The following THSD7B variants were observed in gnomAD, a reference collection of about 807,000 sequenced individuals.
THSD7B encodes the protein thrombospondin type-1 domain-containing protein 7B.
THSD7B carries 138 observed loss-of-function variants against 213.6 expected under a neutral mutation model. That is an observed-to-expected ratio of 0.65 (90% CI 0.56 to 0.74). The LOEUF (loss-of-function observed/expected upper bound fraction) is 0.74. Among genes scored for constraint, THSD7B ranks in the 30% least tolerant of loss-of-function variants. The pLI is 0.00. For synonymous variants in THSD7B, 742 were observed against 687.0 expected (o/e 1.08, Z -1.25); for missense variants, 1,931 against 1,991.5 (o/e 0.97, Z 0.58).
chr2:137,312,589 T>C (rs1683945994), intron 12 of THSD7B, among the ~76,000 whole-genome samples: 1 of 151,678 alleles, frequency 6.6e-6, no homozygotes, highest in Admixed American at 6.6e-5. Context: ...GTTCTTTTAA[T>C]TGTGATGTCA....
chr2:137,622,323 G>C (rs75918806), intron 20 of THSD7B, among the ~76,000 whole-genome samples: 1 of 151,980 alleles, frequency 6.6e-6, no homozygotes, highest in Non-Finnish European at 1.5e-5. Flanking sequence ...GAGACTCAAG[G>C]TAAGTTCTTC....
intron 15 of THSD7B, among the ~76,000 whole-genome samples, chr2:137,454,314 A>G (rs561582296): frequency 2.0e-5 from 3 of 152,288 alleles, no homozygotes; most frequent in Non-Finnish European, 4.4e-5. Context: ...TCTCTCACTC[A>G]TAAGTTTTTG....
chr2:137,652,827 A>G (rs1234639514), intron 21 of THSD7B, among the ~76,000 whole-genome samples: 2 of 152,172 alleles, frequency 1.3e-5, no homozygotes, highest in African/African-American at 4.8e-5. Flanking sequence ...ATAGAAACAA[A>G]CAAAAAAATT....
At chr2:137,330,793 C>A (rs6731428) in intron 12 of THSD7B, among the ~76,000 whole-genome samples, 138,377 of 151,910 alleles carry the variant, frequency 0.91, 63,712 homozygotes, top group Non-Finnish European at 0.99. Flanking sequence ...GTGGAAGGGG[C>A]CCCAAGCGGG....
rs574841994 is a variant in THSD7B, at chr2:137,453,094, GTTTGTTA to G, written c.3138+2073_3138+2079del. On this transcript the variant is annotated intron_variant, in intron 15 of 27. Coordinates refer to ENST00000409968, the MANE Select transcript of THSD7B (RefSeq NM_001316349.2). ...GAAATATAATTTAGTTTGGCTTTTAGTTTGTTATAAAGAGATTTCAGATATCAAGTAT... is the reference window on the plus strand; with the variant it reads ...GAAATATAATTTAGTTTGGCTTTTAGTAAAGAGATTTCAGATATCAAGTAT... Among the ~76,000 whole-genome samples the G allele has an allele frequency of 5.9e-4, 89 of 151,992 alleles. 1 individual carries two copies. In the Middle Eastern group the frequency reaches 0.031, roughly 52 times the overall value.
At chr2:137,603,851 C>G (rs1026245642) in intron 17 of THSD7B, among the ~76,000 whole-genome samples, 2 of 152,166 alleles carry the variant, frequency 1.3e-5, no homozygotes, top group African/African-American at 2.4e-5. Context: ...TGGCTCATGC[C>G]TGTAATCCCA....
At chr2:137,102,936 G>C (rs746050541) in intron 4 of THSD7B, among the ~76,000 whole-genome samples, 2 of 152,164 alleles carry the variant, frequency 1.3e-5, no homozygotes, top group African/African-American at 2.4e-5. Flanking sequence ...GTGACAGGGA[G>C]AATGGAACCA....
At chr2:136,994,584 A>G (rs2104818838) in intron 2 of THSD7B, among the ~76,000 whole-genome samples, 2 of 152,272 alleles carry the variant, frequency 1.3e-5, no homozygotes, top group South Asian at 4.1e-4. Context: ...AAGAAAGCCT[A>G]TGTTGAGAAT....
chr2:137,085,752 A>G (rs1687826504), intron 3 of THSD7B, among the ~76,000 whole-genome samples: 1 of 152,178 alleles, frequency 6.6e-6, no homozygotes, highest in African/African-American at 2.4e-5. Context: ...TCTAAATGAA[A>G]AAATATGCGA....
At position 137,275,951 on chromosome 2, in the gene THSD7B, A is replaced by C. The variant is rs764002306; in HGVS notation, c.2425A>C (p.Ile809Leu). Residue 809 changes from isoleucine (I) to leucine (L), a missense_variant, in exon 12 of 28, where the codon ATC (isoleucine) becomes CTC (leucine). Physicochemically the swap from Ile to Leu is conservative, Grantham distance 5. Transcript: ENST00000409968. ...GAAGCCACAGAAATGGAGCCCTTGC[A>C]TCTTAGTGCCAGAGTCTGTCTGGCA... ...RWKPQKWSPC[I>L]LVPESVWQGI... The C allele has an allele frequency of 1.9e-6, 3 of 1,612,224 alleles. No individual in the cohort carries two copies. Among genetic ancestry groups the C allele is most frequent in the Non-Finnish European group, 2.5e-6 (3 of 1,178,900 alleles).
intron 21 of THSD7B, among the ~76,000 whole-genome samples, chr2:137,647,137 T>A (rs1443804241): frequency 6.6e-6 from 1 of 152,176 alleles, no homozygotes; most frequent in Non-Finnish European, 1.5e-5. Context: ...TTGCTCCATG[T>A]CCTGGAATGC....
chr2:137,282,628 G>C (rs1573931980), intron 12 of THSD7B, among the ~76,000 whole-genome samples: 1 of 152,084 alleles, frequency 6.6e-6, no homozygotes, highest in South Asian at 2.1e-4. Context: ...CATATGGCTA[G>C]CCAGTTTTCC....
At chr2:137,360,205 A>T (rs1322003886) in intron 12 of THSD7B, among the ~76,000 whole-genome samples, 1 of 152,216 alleles carries the variant, frequency 6.6e-6, no homozygotes, top group Non-Finnish European at 1.5e-5. Context: ...TTAGCCAGAC[A>T]CAATTGAGGA....
At chr2:137,021,245 A>G (rs568095754) in intron 2 of THSD7B, among the ~76,000 whole-genome samples, 60 of 152,332 alleles carry the variant, frequency 3.9e-4, no homozygotes, top group Admixed American at 3.5e-3. Context: ...CACTAGCTAC[A>G]TATGGCTACT....
At position 136,833,363 on chromosome 2, in the gene THSD7B, CA is replaced by C. The variant is rs10639590; in HGVS notation, c.-35-48758del. Among the ~76,000 whole-genome samples the C allele has an allele frequency of 8.3e-3, 462 of 55,456 alleles. 4 individuals carry two copies. Among genetic ancestry groups the C allele is most frequent in the African/African-American group, 0.028 (395 of 14,338 alleles). 36.4% of individuals were successfully genotyped at this position (55,456 alleles called of 152,430 possible). ...TCGGCGAAAGAGCGAGACTCCGTCTCAAAAAAAAAAAAAAAAAAAAAAAGAG... is the reference window on the plus strand; with the variant it reads ...TCGGCGAAAGAGCGAGACTCCGTCTCAAAAAAAAAAAAAAAAAAAAAAGAG... On this transcript the variant is annotated intron_variant, in intron 1 of 27. Transcript: ENST00000409968.
chr2:137,412,259 T>A (rs575857352), intron 14 of THSD7B, among the ~76,000 whole-genome samples: 1 of 123,086 alleles, frequency 8.1e-6, no homozygotes, highest in African/African-American at 2.6e-5. Flanking sequence ...TGTCTTCTAA[T>A]GTAGTTGAGA....
chr2:136,983,583 G>T lies in THSD7B; in HGVS notation c.140-72837G>T, dbSNP rs919284788. On this transcript the variant is annotated intron_variant, in intron 2 of 27. Transcript: ENST00000409968. ...TACACTTAAGATATATGTATGCAAT[G>T]ACTGCTATTTATACAAAATTTAAAT... Among the ~76,000 whole-genome samples, 18 of 150,762 alleles carry T rather than the reference G, an allele frequency of 1.2e-4. No homozygotes were observed. In the South Asian group the frequency reaches 3.8e-3, roughly 31 times the overall value.
chr2:137,654,869 G>A (rs1369173282), intron 21 of THSD7B, among the ~76,000 whole-genome samples: 3 of 152,128 alleles, frequency 2.0e-5, no homozygotes, highest in Non-Finnish European at 2.9e-5. Context: ...CAGGCAGATC[G>A]TTGGGCCAGT....
At chr2:137,346,115 A>C (rs1168253929) in intron 12 of THSD7B, among the ~76,000 whole-genome samples, 1 of 151,598 alleles carries the variant, frequency 6.6e-6, no homozygotes, top group South Asian at 2.1e-4. Flanking sequence ...ACTTAACATA[A>C]AATTTACCAT....
Sources: gnomAD v4.1 joint callset for allele counts (sites outside exome capture counted in the v4.1 genomes callset) on GRCh38, gnomAD v4.1.1 for gene constraint, MANE v1.5 for transcripts, NCBI Gene and HGNC (gene_info 2026-07-23, HGNC 2026-07-21) for gene names.